Variants in DNAH6 observed in about 807,000 individuals in gnomAD.
The protein encoded by DNAH6 is axonemal beta dynein heavy chain 6.
In DNAH6, 340 loss-of-function variants were observed where a neutral mutation model predicts 491.4. The observed-to-expected ratio is 0.69, with a 90% confidence interval of 0.63 to 0.76. The LOEUF (loss-of-function observed/expected upper bound fraction) is 0.76. Among genes scored for constraint, DNAH6 ranks in the 30% least tolerant of loss-of-function variants. The pLI, the probability that DNAH6 is intolerant of heterozygous loss-of-function variation, is 0.00. For missense variants in DNAH6, 4,443 were observed against 4,972.2 expected, an observed-to-expected ratio of 0.89 and a Z score of 3.20; for synonymous variants, 1,603 against 1,686.1, an observed-to-expected ratio of 0.95 and a Z score of 1.21.
chr2:84,614,698 TA>T (rs140134380), intron 22 of DNAH6, among the ~76,000 whole-genome samples: 14,506 of 152,044 alleles, frequency 0.095, 842 homozygotes, highest in Middle Eastern at 0.16. Context: ...CAACATCTAT[TA>T]TTTTTTTTAT....
chr2:84,781,463 A>G, intron 64 of DNAH6, 30 bp from the exon 65 acceptor site: 1 of 1,523,488 alleles, frequency 6.6e-7, no homozygotes, highest in Non-Finnish European at 8.9e-7. Flanking sequence ...ATAGCATAAG[A>G]TGATATTGTG....
In DNAH6 at chr2:84,733,486, A is replaced by C; in HGVS notation, c.10249A>C (p.Thr3417Pro). 4.5e-6 allele frequency: 7 copies of C among 1,551,436 alleles called. No homozygotes were observed. The highest frequency in any genetic ancestry group is 6.1e-6 in the Non-Finnish European group (7 of 1,146,750). Reference sequence around the variant, plus strand: ...TGAAGCTCCCTGGCTACCTACTGCTACATGGTTCGCATGCTGTGACTTGGA... The same window carrying C: ...TGAAGCTCCCTGGCTACCTACTGCTCCATGGTTCGCATGCTGTGACTTGGA... ...KPEAPWLPTA[T>P]WFACCDLEES... The change falls in exon 62 of 77, where the codon ACA (threonine) becomes CCA (proline). Residue 3417 changes from threonine (T) to proline (P), a missense_variant. Physicochemically the swap from Thr to Pro is conservative, Grantham distance 38. Transcript: ENST00000389394.
intron 60 of DNAH6, 149 bp downstream of exon 60, chr2:84,722,953 C>T (rs1698302574): frequency 1.9e-6 from 1 of 537,698 alleles, no homozygotes. Context: ...TCCAGCCAGG[C>T]ATGGTGGCTC....
intron 4 of DNAH6, among the ~76,000 whole-genome samples, chr2:84,532,539 G>A (rs73945110): frequency 8.7e-4 from 132 of 152,270 alleles, no homozygotes; most frequent in African/African-American, 3.1e-3. Context: ...TAAAATAACT[G>A]TAAGGCTGTG....
chr2:84,791,648 A>G (rs137939880), intron 68 of DNAH6, among the ~76,000 whole-genome samples: 3,779 of 149,666 alleles, frequency 0.025, 58 homozygotes, highest in Middle Eastern at 0.089. Context: ...TAATGAATTT[A>G]TATATATATA....
intron 63 of DNAH6, among the ~76,000 whole-genome samples, chr2:84,746,742 A>T (rs1673008441): frequency 6.6e-6 from 1 of 152,104 alleles, no homozygotes; most frequent in South Asian, 2.1e-4. Flanking sequence ...GAGGCTGGGT[A>T]ATTTATAAAG....
chr2:84,793,812 G>A (rs1678026392), intron 68 of DNAH6, among the ~76,000 whole-genome samples: 1 of 152,210 alleles, frequency 6.6e-6, no homozygotes, highest in South Asian at 2.1e-4. Context: ...AACAGGAGAG[G>A]GAAGACAGGC....
At chr2:84,527,579 A>G (rs1676724854) in intron 3 of DNAH6, among the ~76,000 whole-genome samples, 1 of 152,192 alleles carries the variant, frequency 6.6e-6, no homozygotes, top group Non-Finnish European at 1.5e-5. Context: ...AAACATTGAG[A>G]TAAGGTGATG....
chr2:84,710,378 C>A lies in DNAH6; in HGVS notation c.9344C>A (p.Ser3115Ter). 1.3e-6 allele frequency: 2 copies of A among 1,551,804 alleles called. No individual in the cohort carries two copies. The highest frequency in any genetic ancestry group is 1.7e-6 in the Non-Finnish European group (2 of 1,146,964). The stretch of plus-strand genomic sequence containing the variant: ...AATTTCTTACGAATACTCGAGAATT[C>A]AATCCGACTTGGTTTACCTGTCTTA... Reference protein sequence around the residue: ...DSNFLRILENSIRLGLPVLLE... With the variant: ...DSNFLRILEN The change falls in exon 56 of 77, where the codon TCA (serine) becomes TAA (stop). Residue 3115 changes from serine (S) to a stop codon, truncating the protein, a stop_gained. Transcript: ENST00000389394. LOFTEE classifies it high-confidence loss of function.
At chr2:84,534,752 T>C (rs1222094900) in intron 4 of DNAH6, among the ~76,000 whole-genome samples, 2 of 152,198 alleles carry the variant, frequency 1.3e-5, no homozygotes, top group East Asian at 3.9e-4. Flanking sequence ...TGAATTTTAA[T>C]TGAATTTCAT....
chr2:84,743,548 G>T (rs1361451274), intron 62 of DNAH6, among the ~76,000 whole-genome samples: 3 of 152,200 alleles, frequency 2.0e-5, no homozygotes, highest in African/African-American at 7.2e-5. Flanking sequence ...TAAGCTAGGT[G>T]TGGTGGCTCA....
chr2:84,662,022 G>T (rs1691553608), intron 37 of DNAH6, among the ~76,000 whole-genome samples: 1 of 151,936 alleles, frequency 6.6e-6, no homozygotes, highest in Non-Finnish European at 1.5e-5. Context: ...TTTAATCTAG[G>T]GTGGTTATAT....
chr2:84,641,576 G>A (rs1477747125), intron 32 of DNAH6, among the ~76,000 whole-genome samples: 1 of 152,188 alleles, frequency 6.6e-6, no homozygotes, highest in Admixed American at 6.6e-5. Context: ...GGAGTCACTG[G>A]GCTGGGTTTC....
intron 2 of DNAH6, among the ~76,000 whole-genome samples, chr2:84,521,992 T>G (rs2104416691): frequency 6.6e-6 from 1 of 152,124 alleles, no homozygotes; most frequent in East Asian, 1.9e-4. Context: ...TAAGATAGTT[T>G]TTTCTAGTTC....
chr2:84,657,550 A>G lies in DNAH6; in HGVS notation c.5758-742A>G, dbSNP rs531915203. Among the ~76,000 whole-genome samples the G allele has an allele frequency of 3.3e-5, 5 of 152,094 alleles. No homozygotes were observed. The East Asian group carries it at 9.6e-4, about 29-fold the overall frequency. On this transcript the variant is annotated intron_variant, in intron 35 of 76. Transcript: ENST00000389394. ...TTATATAGATCTAGTACATATTTAT[A>G]GTTAATTTATTTTGGCACTAATGTA...
At chr2:84,465,954 C>T in the DNAH6 span, among the ~76,000 whole-genome samples, 1 of 152,148 alleles carries the variant, frequency 6.6e-6, no homozygotes, top group Non-Finnish European at 1.5e-5. Context: ...AATTATTTTT[C>T]ATGTAAGCTC....
intron 63 of DNAH6, among the ~76,000 whole-genome samples, chr2:84,749,262 TGC>T (rs1362214571): frequency 6.6e-6 from 1 of 152,086 alleles, no homozygotes; most frequent in African/African-American, 2.4e-5. Flanking sequence ...GAATAGAGAA[TGC>T]AAGACCATTG....
intron 63 of DNAH6, among the ~76,000 whole-genome samples, chr2:84,762,093 A>G (rs1674645012): frequency 6.6e-6 from 1 of 152,142 alleles, no homozygotes; most frequent in South Asian, 2.1e-4. Flanking sequence ...TAGGTAGGGT[A>G]GGGTAGGATC....
chr2:84,534,821 C>T (rs1438348714), intron 4 of DNAH6, among the ~76,000 whole-genome samples: 1 of 151,858 alleles, frequency 6.6e-6, no homozygotes, highest in Non-Finnish European at 1.5e-5. Flanking sequence ...TCAAATTCAA[C>T]TTGGGAAATG....
Sources: gnomAD v4.1 joint callset for allele counts (sites outside exome capture counted in the v4.1 genomes callset) on GRCh38, gnomAD v4.1.1 for gene constraint, MANE v1.5 for transcripts, NCBI Gene and HGNC (gene_info 2026-07-23, HGNC 2026-07-21) for gene names.